EYA4: variants seen among roughly 807,000 people sequenced by gnomAD.
EYA4 encodes EYA transcriptional coactivator and phosphatase 4.
In EYA4, 31 loss-of-function variants were observed where a neutral mutation model predicts 87.9. That is an observed-to-expected ratio of 0.35 (90% CI 0.27 to 0.48). The LOEUF (loss-of-function observed/expected upper bound fraction) is 0.48, where lower values mean the gene tolerates loss of function less well. EYA4 is among the 20% of genes least tolerant of loss of function. The probability of loss-of-function intolerance (pLI) is 0.99; values close to 1 mark genes in which losing one functional copy is unlikely to be tolerated. For synonymous variants in EYA4, 263 were observed against 270.6 expected, an observed-to-expected ratio of 0.97 and a Z score of 0.28; for missense variants, 678 against 761.4, an observed-to-expected ratio of 0.89 and a Z score of 1.29.
chr6:133,259,222 G>C (rs1429887263), intron 1 of EYA4, among the ~76,000 whole-genome samples: 1 of 152,012 alleles, frequency 6.6e-6, no homozygotes, highest in East Asian at 1.9e-4. Context: ...AAGTGGTCTT[G>C]TTAACCAGGG....
intron 9 of EYA4, among the ~76,000 whole-genome samples, chr6:133,463,608 G>A (rs1157597259): frequency 3.3e-5 from 5 of 152,110 alleles, no homozygotes; most frequent in South Asian, 2.1e-4. Flanking sequence ...TGACCCGCCC[G>A]CCACGGCCTC....
intron 13 of EYA4, among the ~76,000 whole-genome samples, chr6:133,502,894 A>G (rs1466881002): frequency 6.6e-6 from 1 of 152,178 alleles, no homozygotes; most frequent in Admixed American, 6.5e-5. Context: ...AAATACAGCT[A>G]GTTCACACTC....
At chr6:133,387,454 C>A (rs1359852152) in intron 3 of EYA4, among the ~76,000 whole-genome samples, 1 of 152,162 alleles carries the variant, frequency 6.6e-6, no homozygotes, top group Non-Finnish European at 1.5e-5. Context: ...ATGTTTTTCT[C>A]AAACCTGGAA....
At chr6:133,509,477 G>C (rs953679086) in intron 14 of EYA4, among the ~76,000 whole-genome samples, 9 of 151,258 alleles carry the variant, frequency 6.0e-5, no homozygotes, top group Admixed American at 5.3e-4. Context: ...TATAGTAGCA[G>C]CTGTTCCTCA....
intron 2 of EYA4, among the ~76,000 whole-genome samples, chr6:133,329,159 G>T (rs1047764421): frequency 6.6e-6 from 1 of 151,972 alleles, no homozygotes; most frequent in East Asian, 1.9e-4. Context: ...ATGATTTGAT[G>T]ATTCTTAGGT....
intron 13 of EYA4, among the ~76,000 whole-genome samples, chr6:133,505,758 C>T (rs768108288): frequency 5.9e-5 from 9 of 152,044 alleles, no homozygotes; most frequent in Non-Finnish European, 1.3e-4. Context: ...TCTTCAGCAC[C>T]CCATCCAAAT....
chr6:133,410,902 G>A (rs1016184843), intron 3 of EYA4, among the ~76,000 whole-genome samples: 3 of 152,022 alleles, frequency 2.0e-5, no homozygotes, highest in Non-Finnish European at 4.4e-5. Context: ...CAAAGTAGCA[G>A]TACTGAAGTT....
Position 133,378,926 on chromosome 6 carries a change from GGTGTGTGT to G in EYA4, c.34-3437_34-3430del, listed in dbSNP as rs10681162. On this transcript the variant is annotated intron_variant, in intron 2 of 19. Coordinates refer to ENST00000355286, the MANE Select transcript of EYA4 (RefSeq NM_004100.5). ...TTACGCTATTCATCCTTTCTGTCTTGGTGTGTGTGTGTGTGTGTGTGTGTGTGTGTGTG... is the reference window on the plus strand; with the variant it reads ...TTACGCTATTCATCCTTTCTGTCTTGGTGTGTGTGTGTGTGTGTGTGTGTG... Among the ~76,000 whole-genome samples, 102 of 141,828 alleles carry G rather than the reference GGTGTGTGT, an allele frequency of 7.2e-4. 1 individual carries two copies. The highest frequency in any genetic ancestry group is 1.5e-3 in the East Asian group (7 of 4,804). 93.0% of individuals were successfully genotyped at this position (141,828 alleles called of 152,430 possible).
intron 3 of EYA4, 48 bp from the exon 4 acceptor site, chr6:133,446,582 A>G (rs755683354): frequency 2.5e-6 from 4 of 1,611,102 alleles, no homozygotes; most frequent in Middle Eastern, 1.7e-4. Context: ...CTATTAAAAA[A>G]TAACTGCTGC....
chr6:133,464,471 T>C (rs1794674581), intron 9 of EYA4, among the ~76,000 whole-genome samples: 1 of 152,130 alleles, frequency 6.6e-6, no homozygotes, highest in East Asian at 1.9e-4. Flanking sequence ...TCTTAGTCTG[T>C]GTAAGATTTT....
At chr6:133,383,007 C>G (rs1786366153) in intron 3 of EYA4, among the ~76,000 whole-genome samples, 1 of 151,940 alleles carries the variant, frequency 6.6e-6, no homozygotes, top group South Asian at 2.1e-4. Context: ...AGATGCCCAA[C>G]AGATTTTTTT....
At chr6:133,362,562 A>G (rs1330755211) in intron 2 of EYA4, among the ~76,000 whole-genome samples, 3 of 152,196 alleles carry the variant, frequency 2.0e-5, no homozygotes, top group Admixed American at 1.3e-4. Context: ...TAAAAAAAAT[A>G]GCTGCTGCGC....
intron 2 of EYA4, among the ~76,000 whole-genome samples, chr6:133,328,129 A>G (rs181198073): frequency 1.4e-4 from 22 of 152,314 alleles, no homozygotes; most frequent in African/African-American, 5.3e-4. Flanking sequence ...ATACCTAAGT[A>G]TGGGAAGATT....
chr6:133,529,729 A>G lies in EYA4; in HGVS notation c.*924A>G, dbSNP rs899458108. The G allele has an allele frequency of 4.1e-6, 4 of 985,274 alleles. No homozygotes were observed. Among genetic ancestry groups the G allele is most frequent in the East Asian group, 1.1e-4 (1 of 8,810 alleles). The allele number at this position is 985,274 out of a possible 1,614,324, so 61.0% of individuals were successfully genotyped here. A position where few individuals can be genotyped will look rare whatever the true frequency, so the allele number is the denominator to read the frequency against. ...GAGGCAACTATTTGCGCATCCAACC[A>G]TGAGTGGAAGGTTTGGGAAAGACTG... is the stretch of plus-strand genomic sequence containing the variant. On this transcript the variant is annotated 3_prime_UTR_variant, in exon 20 of 20. Transcript: ENST00000355286.
At chr6:133,246,939 T>C (rs565473489) in intron 1 of EYA4, 1 of 152,294 alleles carries the variant, frequency 6.6e-6, no homozygotes, top group East Asian at 1.9e-4. Flanking sequence ...CCAGCACCCT[T>C]ATCCTTAAGC....
chr6:133,519,013 T>G (rs540331552), intron 17 of EYA4, among the ~76,000 whole-genome samples: 8 of 150,460 alleles, frequency 5.3e-5, no homozygotes, highest in African/African-American at 2.0e-4. Flanking sequence ...AGAGGGAAAT[T>G]TATAGCACTA....
chr6:133,523,957 A>G (rs1800405733), intron 18 of EYA4, among the ~76,000 whole-genome samples: 2 of 152,162 alleles, frequency 1.3e-5, no homozygotes, highest in African/African-American at 4.8e-5. Flanking sequence ...AAATCCTAAA[A>G]TCCCCCACCA....
chr6:133,413,683 C>T (rs941012043), intron 3 of EYA4, among the ~76,000 whole-genome samples: 1 of 152,084 alleles, frequency 6.6e-6, no homozygotes, highest in Non-Finnish European at 1.5e-5. Flanking sequence ...CTGGGGTGAC[C>T]TCTTCCATAC....
intron 11 of EYA4, among the ~76,000 whole-genome samples, chr6:133,469,396 G>C (rs1163857195): frequency 6.6e-6 from 1 of 151,968 alleles, no homozygotes; most frequent in East Asian, 1.9e-4. Context: ...AATTAGAATA[G>C]TCAAAACTAT....
Sources: allele counts gnomAD v4.1 joint callset (sites outside exome capture counted in the v4.1 genomes callset), GRCh38; gene constraint gnomAD v4.1.1; transcripts MANE v1.5; gene names NCBI Gene and HGNC (gene_info 2026-07-23, HGNC 2026-07-21).